The following ADAMTSL1 variants were observed in gnomAD, a reference collection of about 807,000 sequenced individuals.
ADAMTSL1 encodes the protein ADAMTS like 1, also known as ADAMTS-like protein 1.
In ADAMTSL1, 126 loss-of-function variants were observed where a neutral mutation model predicts 201.8. The ratio of observed to expected loss-of-function variants is 0.62; its 90% CI spans 0.54 to 0.72. The LOEUF (loss-of-function observed/expected upper bound fraction) is 0.72. ADAMTSL1 is among the 30% of genes least tolerant of loss of function. ADAMTSL1 has a pLI of 0.00. For missense variants in ADAMTSL1, 2,679 were observed against 2,277.8 expected (o/e 1.18, Z -3.59); for synonymous variants, 1,121 against 903.4 (o/e 1.24, Z -4.32).
At chr9:18,428,617 AAAAC>A (rs1417587551) in intron 2 of ADAMTSL1, among the ~76,000 whole-genome samples, 1 of 152,154 alleles carries the variant, frequency 6.6e-6, no homozygotes, top group Non-Finnish European at 1.5e-5. Context: ...AAAAAAGAAA[AAAAC>A]AAAAAACAAG....
chr9:18,552,777 G>C (rs1820865345), intron 3 of ADAMTSL1, among the ~76,000 whole-genome samples: 1 of 151,472 alleles, frequency 6.6e-6, no homozygotes, highest in Admixed American at 6.6e-5. Context: ...GTTAGTGACT[G>C]TCTTTATCAG....
At chr9:18,805,167 T>G in intron 20 of ADAMTSL1, among the ~76,000 whole-genome samples, 1 of 152,214 alleles carries the variant, frequency 6.6e-6, no homozygotes, top group East Asian at 1.9e-4. Flanking sequence ...GGGTACTTTT[T>G]GGAATCTTCA....
chr9:18,148,862 A>G (rs983071440), intron 1 of ADAMTSL1, among the ~76,000 whole-genome samples: 3 of 152,144 alleles, frequency 2.0e-5, no homozygotes, highest in African/African-American at 7.2e-5. Flanking sequence ...TTGATTAAAT[A>G]TAAGATAGGC....
At chr9:18,265,720 T>G (rs761807144) in intron 2 of ADAMTSL1, among the ~76,000 whole-genome samples, 1 of 152,210 alleles carries the variant, frequency 6.6e-6, no homozygotes, top group African/African-American at 2.4e-5. Context: ...CAAAAATGTC[T>G]TTTAAAATAA....
intron 2 of ADAMTSL1, among the ~76,000 whole-genome samples, chr9:18,431,564 T>C (rs1587186815): frequency 6.6e-6 from 1 of 152,188 alleles, no homozygotes; most frequent in African/African-American, 2.4e-5. Flanking sequence ...TTAGAGGTCA[T>C]TAGTCCAAAC....
At chr9:18,077,497 T>C (rs1256172934) in intron 1 of ADAMTSL1, among the ~76,000 whole-genome samples, 3 of 152,122 alleles carry the variant, frequency 2.0e-5, no homozygotes, top group Non-Finnish European at 4.4e-5. Flanking sequence ...ACCTGTGATA[T>C]TGAGAAAATG....
In ADAMTSL1 at chr9:18,777,472, C is replaced by A; in HGVS notation, c.3243C>A (p.Ile1081=). ...MVTEQRRLDD[I]LGNLSQQPEE... Reference sequence around the variant, plus strand: ...CCGAGCAGCGGCGCCTGGACGACATCCTGGGGAACCTCTCCCAGCAGCCCG... The same window carrying A: ...CCGAGCAGCGGCGCCTGGACGACATACTGGGGAACCTCTCCCAGCAGCCCG... Residue 1081 remains isoleucine (I), a synonymous_variant, in exon 19 of 29, where the codon ATC becomes ATA. Transcript: ENST00000380548. The A allele has an allele frequency of 6.3e-7, 1 of 1,593,752 alleles. No homozygotes were observed. Among genetic ancestry groups the A allele is most frequent in the Non-Finnish European group, 8.5e-7 (1 of 1,170,494 alleles).
At chr9:18,325,695 A>C (rs1166965658) in intron 2 of ADAMTSL1, among the ~76,000 whole-genome samples, 1 of 150,168 alleles carries the variant, frequency 6.7e-6, no homozygotes, top group African/African-American at 2.5e-5. Context: ...AAGGGAAGAT[A>C]GTGTAAGCTA....
chr9:18,189,676 T>C (rs758409382), intron 2 of ADAMTSL1, among the ~76,000 whole-genome samples: 2 of 152,170 alleles, frequency 1.3e-5, no homozygotes, highest in Non-Finnish European at 2.9e-5. Flanking sequence ...AAAAGCCTGA[T>C]AGCAACTAAT....
At chr9:17,932,846 A>T (rs1826853015) in intron 1 of ADAMTSL1, among the ~76,000 whole-genome samples, 1 of 152,202 alleles carries the variant, frequency 6.6e-6, no homozygotes. Context: ...TCAGGAATCC[A>T]TAATCTAGAT....
intron 4 of ADAMTSL1, among the ~76,000 whole-genome samples, chr9:18,612,624 G>A (rs36031735): frequency 2.0e-5 from 3 of 152,104 alleles, no homozygotes; most frequent in African/African-American, 7.2e-5. Context: ...ATGGGGAAAG[G>A]ATTCCTTATT....
In ADAMTSL1 at chr9:18,777,107, C is replaced by G. The variant is rs2133755326; in HGVS notation, c.2878C>G (p.Leu960Val). The G allele has an allele frequency of 6.2e-7, 1 of 1,613,142 alleles. No individual in the cohort carries two copies. The highest frequency in any genetic ancestry group is 8.5e-7 in the Non-Finnish European group (1 of 1,179,832). ...GPAREHFVIK[L>V]IGGNRKLVAR... ...GGCCCGGGAGCACTTTGTGATTAAG[C>G]TCATCGGAGGCAACCGCAAGCTCGT... Residue 960 changes from leucine (L) to valine (V), a missense_variant, in exon 19 of 29, where the codon CTC becomes GTC. Transcript: ENST00000380548.
At chr9:18,859,782 T>C (rs1305695501) in intron 23 of ADAMTSL1, among the ~76,000 whole-genome samples, 1 of 152,216 alleles carries the variant, frequency 6.6e-6, no homozygotes, top group African/African-American at 2.4e-5. Context: ...AACATGTAAT[T>C]ATCTATAAAG....
intron 9 of ADAMTSL1, among the ~76,000 whole-genome samples, chr9:18,669,971 G>A (rs577574174): frequency 6.6e-6 from 1 of 152,256 alleles, no homozygotes; most frequent in South Asian, 2.1e-4. Flanking sequence ...GATCCTCCAT[G>A]CTTTGCTACT....
chr9:18,797,178 A>T (rs1166571904), intron 20 of ADAMTSL1, among the ~76,000 whole-genome samples: 1 of 152,198 alleles, frequency 6.6e-6, no homozygotes, highest in Non-Finnish European at 1.5e-5. Flanking sequence ...GTGAAGTATG[A>T]CTACAGACAC....
intron 2 of ADAMTSL1, among the ~76,000 whole-genome samples, chr9:18,457,344 T>A (rs1353569679): frequency 6.6e-6 from 1 of 151,978 alleles, no homozygotes; most frequent in East Asian, 1.9e-4. Flanking sequence ...TTTCTTTTTT[T>A]GTTTTTAGAA....
chr9:18,378,022 T>G, intron 2 of ADAMTSL1, among the ~76,000 whole-genome samples: 1 of 152,170 alleles, frequency 6.6e-6, no homozygotes, highest in East Asian at 1.9e-4. Context: ...CACTTCACCT[T>G]CGATGAGCCC....
chr9:18,103,500 A>G (rs537086949), intron 1 of ADAMTSL1, among the ~76,000 whole-genome samples: 6 of 152,324 alleles, frequency 3.9e-5, no homozygotes, highest in Admixed American at 1.3e-4. Context: ...TTCTTAGGCC[A>G]GCACTATGAA....
At chr9:18,575,021 G>T (rs754972877) in intron 4 of ADAMTSL1, among the ~76,000 whole-genome samples, 1 of 152,122 alleles carries the variant, frequency 6.6e-6, no homozygotes, top group Non-Finnish European at 1.5e-5. Flanking sequence ...TTGACTATAT[G>T]CTTTTATATT....
Sources: gnomAD v4.1 joint callset for allele counts (sites outside exome capture counted in the v4.1 genomes callset) on GRCh38, gnomAD v4.1.1 for gene constraint, MANE v1.5 for transcripts, NCBI Gene and HGNC (gene_info 2026-07-23, HGNC 2026-07-21) for gene names.